Variants in EPHA7 observed in about 807,000 individuals in gnomAD.
EPHA7 encodes the protein EPH receptor A7.
In EPHA7, 25 loss-of-function variants were observed where a neutral mutation model predicts 112.6. The observed-to-expected ratio is 0.22, with a 90% CI of 0.16 to 0.31. EPHA7 has a LOEUF of 0.31. Ranked by LOEUF, EPHA7 falls within the 10% of genes least tolerant of loss-of-function variation. The pLI, the probability that EPHA7 is intolerant of heterozygous loss-of-function variation, is 1.00. For synonymous variants in EPHA7, 437 were observed against 406.5 expected (o/e 1.07, Z -0.90); for missense variants, 962 against 1,212.6 (o/e 0.79, Z 3.07).
At chr6:93,336,317 T>C (rs1191187564) in intron 5 of EPHA7, among the ~76,000 whole-genome samples, 1 of 152,188 alleles carries the variant, frequency 6.6e-6, no homozygotes, top group African/African-American at 2.4e-5. Flanking sequence ...TCTCATATGT[T>C]ACAAATTGCT....
intron 3 of EPHA7, among the ~76,000 whole-genome samples, chr6:93,384,540 T>A (rs925460740): frequency 3.3e-5 from 5 of 152,166 alleles, no homozygotes; most frequent in Non-Finnish European, 7.4e-5. Context: ...ATCACTATAA[T>A]CCTTCTCACT....
chr6:93,319,945 G>C (rs1773984998), intron 5 of EPHA7, among the ~76,000 whole-genome samples: 1 of 151,910 alleles, frequency 6.6e-6, no homozygotes, highest in South Asian at 2.1e-4. Context: ...TTCAATTTCT[G>C]TGGTAAGCTG....
At chr6:93,391,008 C>A (rs1476508648) in intron 3 of EPHA7, among the ~76,000 whole-genome samples, 2 of 152,058 alleles carry the variant, frequency 1.3e-5, no homozygotes, top group Middle Eastern at 3.4e-3. Flanking sequence ...TGAAGCACTG[C>A]AGAATTCCTA....
chr6:93,329,086 G>A (rs913096066), intron 5 of EPHA7, among the ~76,000 whole-genome samples: 3 of 151,340 alleles, frequency 2.0e-5, no homozygotes, highest in Non-Finnish European at 4.4e-5. Flanking sequence ...TGAATAAAGT[G>A]ATGTAGGGTA....
At chr6:93,400,373 C>A (rs766628524) in intron 3 of EPHA7, among the ~76,000 whole-genome samples, 6 of 151,872 alleles carry the variant, frequency 4.0e-5, no homozygotes, top group Non-Finnish European at 5.9e-5. Context: ...AATTACTAAT[C>A]TTTCATTTAT....
At chr6:93,289,659 T>C (rs1772257260) in intron 5 of EPHA7, among the ~76,000 whole-genome samples, 1 of 152,136 alleles carries the variant, frequency 6.6e-6, no homozygotes, top group African/African-American at 2.4e-5. Flanking sequence ...AGAAAGTATG[T>C]AGAATAATTT....
At chr6:93,345,663 T>A (rs775810716) in intron 5 of EPHA7, among the ~76,000 whole-genome samples, 19 of 151,764 alleles carry the variant, frequency 1.3e-4, no homozygotes, top group Non-Finnish European at 2.7e-4. Context: ...TAAAAACAGT[T>A]AAAATTCAAA....
intron 3 of EPHA7, among the ~76,000 whole-genome samples, chr6:93,380,873 T>G (rs2127970712): frequency 6.6e-6 from 1 of 152,276 alleles, no homozygotes; most frequent in Middle Eastern, 3.4e-3. Flanking sequence ...TTTTTTCACT[T>G]ATTCATGAAT....
At chr6:93,398,203 T>A (rs1029614718) in intron 3 of EPHA7, among the ~76,000 whole-genome samples, 1 of 152,004 alleles carries the variant, frequency 6.6e-6, no homozygotes, top group Non-Finnish European at 1.5e-5. Flanking sequence ...TTTCTCAAAT[T>A]GAAACACACC....
chr6:93,336,486 A>T (rs988036690), intron 5 of EPHA7, among the ~76,000 whole-genome samples: 1 of 151,992 alleles, frequency 6.6e-6, no homozygotes, highest in Non-Finnish European at 1.5e-5. Context: ...CACTGTAACC[A>T]CTGCCTCCTG....
At chr6:93,326,094 C>A (rs923887350) in intron 5 of EPHA7, among the ~76,000 whole-genome samples, 3 of 151,342 alleles carry the variant, frequency 2.0e-5, no homozygotes, top group Non-Finnish European at 4.4e-5. Flanking sequence ...TATTCATAGT[C>A]TAATATTCAT....
intron 3 of EPHA7, among the ~76,000 whole-genome samples, chr6:93,390,875 C>T (rs974638718): frequency 2.6e-5 from 4 of 151,884 alleles, no homozygotes; most frequent in African/African-American, 9.7e-5. Context: ...ACAAAAAGCA[C>T]TCAAGAAATG....
At chr6:93,402,840 G>T (rs1416751740) in intron 3 of EPHA7, among the ~76,000 whole-genome samples, 1 of 151,780 alleles carries the variant, frequency 6.6e-6, no homozygotes, top group African/African-American at 2.4e-5. Flanking sequence ...CACACTTCAA[G>T]GCCTTCTTAA....
At chr6:93,409,061 T>C (rs1778851317) in intron 3 of EPHA7, among the ~76,000 whole-genome samples, 1 of 152,108 alleles carries the variant, frequency 6.6e-6, no homozygotes, top group South Asian at 2.1e-4. Flanking sequence ...ATAGTCATTT[T>C]TCAAAACCTA....
chr6:93,368,477 G>T (rs1021553353), intron 3 of EPHA7, among the ~76,000 whole-genome samples: 2 of 151,960 alleles, frequency 1.3e-5, no homozygotes, highest in African/African-American at 4.8e-5. Context: ...GAAGGATCTG[G>T]CAATATAAGA....
At position 93,288,758 on chromosome 6, in the gene EPHA7, T is replaced by A. The variant is rs907223461; in HGVS notation, c.1325-16336A>T. 3.3e-5 allele frequency among the ~76,000 whole-genome samples: 5 copies of A among 152,320 alleles called. No individual in the cohort carries two copies. In the East Asian group the frequency reaches 9.7e-4, roughly 29 times the overall value. On this transcript the variant is annotated intron_variant, in intron 5 of 16. Transcript: ENST00000369303. Reference sequence around the variant, plus strand: ...CTGCTTTTCACACCAAGTTGAGATATCATTCTGACTGTTCTTTTCTTAAAG... The same window carrying A: ...CTGCTTTTCACACCAAGTTGAGATAACATTCTGACTGTTCTTTTCTTAAAG...
chr6:93,258,401 T>C (rs1582401803), intron 10 of EPHA7, 117 bp from the exon 11 acceptor site: 1 of 1,111,510 alleles, frequency 9.0e-7, no homozygotes, highest in East Asian at 2.5e-5. Context: ...GAAAGCATTT[T>C]AAAATATTTT....
At chr6:93,323,776 T>C (rs1032623537) in intron 5 of EPHA7, among the ~76,000 whole-genome samples, 7 of 151,486 alleles carry the variant, frequency 4.6e-5, no homozygotes, top group African/African-American at 1.7e-4. Flanking sequence ...TTTTTGGATG[T>C]AGCTAAATGC....
intron 5 of EPHA7, among the ~76,000 whole-genome samples, chr6:93,350,869 C>T (rs1775657979): frequency 1.3e-5 from 2 of 152,008 alleles, no homozygotes; most frequent in Non-Finnish European, 2.9e-5. Context: ...GGTTTCCCCG[C>T]TGTCTATCAG....
Sources: gnomAD v4.1 joint callset for allele counts (sites outside exome capture counted in the v4.1 genomes callset) on GRCh38, gnomAD v4.1.1 for gene constraint, MANE v1.5 for transcripts, NCBI Gene and HGNC (gene_info 2026-07-23, HGNC 2026-07-21) for gene names.